Variants in ZSCAN30 observed in about 807,000 individuals in gnomAD.
The protein encoded by ZSCAN30 is zinc finger and SCAN domain-containing protein 30.
Under a neutral mutation model 44.3 loss-of-function variants are expected in ZSCAN30, and 37 were observed. That is an observed-to-expected ratio of 0.84 (90% CI 0.64 to 1.10). ZSCAN30 has a LOEUF of 1.10. Among genes scored for constraint, ZSCAN30 ranks in the 50% least tolerant of loss-of-function variants. The pLI is 0.00. For missense variants in ZSCAN30, 549 were observed against 582.6 expected (o/e 0.94, Z 0.59); for synonymous variants, 181 against 204.6 (o/e 0.88, Z 0.98).
Position 35,251,201 on chromosome 18 carries a change from TAAAC to T in ZSCAN30, c.*2245_*2248del, listed in dbSNP as rs1406770020. On this transcript the variant is annotated 3_prime_UTR_variant, in exon 4 of 4. Transcript: ENST00000333206. ...CTAAAAATACTAGGATTGGGAAAAA[TAAAC>T]ACTAATAGAAAGTACTCCAAAATGT... The T allele has an allele frequency of 2.0e-5, 3 of 152,136 alleles. No individual in the cohort carries two copies. The highest frequency in any genetic ancestry group is 4.4e-5 in the Non-Finnish European group (3 of 67,998). The allele number at this position is 152,136 out of a possible 1,614,324, so 9.4% of individuals were successfully genotyped here.
chr18:35,264,532 T>G (rs2143705139), intron 1 of ZSCAN30, 77 bp from the exon 2 acceptor site: 1 of 645,736 alleles, frequency 1.5e-6, no homozygotes, highest in Non-Finnish European at 2.6e-6. Flanking sequence ...TGAAGCCCAG[T>G]TGCCAGGGAG....
intron 1 of ZSCAN30, among the ~76,000 whole-genome samples, chr18:35,276,079 A>G (rs564388025): frequency 6.6e-6 from 1 of 152,342 alleles, no homozygotes; most frequent in African/African-American, 2.4e-5. Flanking sequence ...TTTGTTGAGA[A>G]TAAGACATAC....
In ZSCAN30 at chr18:35,263,981, C is replaced by T. The variant is rs1186792735; in HGVS notation, c.372G>A (p.Glu124=). 3.7e-6 allele frequency: 6 copies of T among 1,614,212 alleles called. No individual in the cohort carries two copies. The highest frequency in any genetic ancestry group is 5.1e-6 in the Non-Finnish European group (6 of 1,180,030). ...ENGEEAVTML[E]ELEKELEEPR... ...GCTCCTCCAGTTCTTTTTCCAGCTC[C>T]TCCAGCATAGTCACAGCTTCCTCTC... The change falls in exon 2 of 4, where the codon GAG becomes GAA. Residue 124 remains glutamate (E), a synonymous_variant. Coordinates refer to ENST00000333206, the MANE Select transcript of ZSCAN30 (RefSeq NM_001112734.4).
chr18:35,253,910 G>C lies in ZSCAN30; in HGVS notation c.1025C>G (p.Ser342Ter). The part of the protein sequence containing the change: ...KECGKAFSLS[S>*]DLVRHQRIHS... ...AATTCTCTGATGTCTAACAAGGTCTGAGCTCAAACTGAAGGCTTTGCCACA... is the reference window on the plus strand; with the variant it reads ...AATTCTCTGATGTCTAACAAGGTCTCAGCTCAAACTGAAGGCTTTGCCACA... The change falls in exon 4 of 4, where the codon TCA (serine) becomes TGA (stop). Residue 342 changes from serine to a stop codon, truncating the protein, a stop_gained. Transcript: ENST00000333206. LOFTEE classifies it high-confidence loss of function. The C allele has an allele frequency of 1.9e-6, 3 of 1,614,104 alleles. No homozygotes were observed. The highest frequency in any genetic ancestry group is 1.7e-6 in the Non-Finnish European group (2 of 1,180,010).
intron 3 of ZSCAN30, chr18:35,261,381 T>C (rs1232900241): frequency 6.6e-6 from 1 of 152,228 alleles, no homozygotes. Flanking sequence ...TTTTTCTAAT[T>C]CTGTGAAGAA....
chr18:35,272,369 ATGGAGTCTCGCTCTG>A (rs2044299025), intron 1 of ZSCAN30, among the ~76,000 whole-genome samples: 1 of 116,052 alleles, frequency 8.6e-6, no homozygotes, highest in African/African-American at 3.2e-5. Context: ...TTTTTTTTAG[ATGGAGTCTCGCTCTG>A]TGGACCAGGC....
At chr18:35,279,568 A>G (rs1180074268) in intron 1 of ZSCAN30, among the ~76,000 whole-genome samples, 1 of 152,196 alleles carries the variant, frequency 6.6e-6, no homozygotes, top group African/African-American at 2.4e-5. Flanking sequence ...AACAACAGAA[A>G]TTTATTTCTC....
At position 35,252,729 on chromosome 18, in the gene ZSCAN30, A is replaced by G. The variant is rs1390199366; in HGVS notation, c.*721T>C. The G allele has an allele frequency of 6.6e-6, 1 of 152,178 alleles. No homozygotes were observed. The highest frequency in any genetic ancestry group is 1.5e-5 in the Non-Finnish European group (1 of 68,030). The allele number at this position is 152,178 out of a possible 1,614,324, so 9.4% of individuals were successfully genotyped here. ...CCGCATTTTTCCTACCAAAGCACTT[A>G]CCACACTTTACTGTAATTACTGTTT... On this transcript the variant is annotated 3_prime_UTR_variant, in exon 4 of 4. Transcript: ENST00000333206.
intron 1 of ZSCAN30, chr18:35,269,701 A>C (rs1384139983): frequency 6.6e-6 from 1 of 152,214 alleles, no homozygotes; most frequent in African/African-American, 2.4e-5. Flanking sequence ...TAATTAATTT[A>C]CATTTAAATT....
chr18:35,259,796 G>A (rs1474696996), intron 3 of ZSCAN30: 1 of 153,522 alleles, frequency 6.5e-6, no homozygotes, highest in African/African-American at 2.4e-5. Context: ...AGTAAAAATA[G>A]TCTACCTAAA....
chr18:35,255,705 T>A (rs1268926505), intron 3 of ZSCAN30: 1 of 154,366 alleles, frequency 6.5e-6, no homozygotes, highest in East Asian at 1.9e-4. Flanking sequence ...CCACAATTGA[T>A]ACCTGATCAA....
At chr18:35,284,623 C>T (rs56396527) in intron 1 of ZSCAN30, 5,939 of 155,338 alleles carry the variant, frequency 0.038, 148 homozygotes, top group Non-Finnish European at 0.06. Context: ...AGAGCAGTCA[C>T]CAGGAGCAGG....
chr18:35,266,309 G>C (rs988371712), intron 1 of ZSCAN30, among the ~76,000 whole-genome samples: 11 of 152,154 alleles, frequency 7.2e-5, no homozygotes, highest in African/African-American at 2.7e-4. Context: ...GAAGGTCTGT[G>C]TGCCCACCCA....
chr18:35,271,758 G>A lies in ZSCAN30; in HGVS notation c.-103-7303C>T, dbSNP rs1047105817. On this transcript the variant is annotated intron_variant, in intron 1 of 3. Transcript: ENST00000333206. Reference sequence around the variant, plus strand: ...GTGGGAGCCCATTGCGGGGAGGGGGGGCGCTTGGGCATGGCGGGCTGCAGG... The same window carrying A: ...GTGGGAGCCCATTGCGGGGAGGGGGAGCGCTTGGGCATGGCGGGCTGCAGG... 2.6e-5 allele frequency among the ~76,000 whole-genome samples: 4 copies of A among 152,232 alleles called. No individual in the cohort carries two copies. In the East Asian group the frequency reaches 7.7e-4, roughly 29 times the overall value.
chr18:35,259,942 G>T (rs563143006), intron 3 of ZSCAN30, among the ~76,000 whole-genome samples: 1 of 152,312 alleles, frequency 6.6e-6, no homozygotes, highest in African/African-American at 2.4e-5. Context: ...TGCCATGGTG[G>T]TTTGCTGCAC....
intron 3 of ZSCAN30, chr18:35,258,861 C>T (rs1286027857): frequency 1.1e-5 from 1 of 89,308 alleles, no homozygotes; most frequent in African/African-American, 4.6e-5. Context: ...CAGAGCCAGA[C>T]TCCATCTCAA....
chr18:35,281,323 T>C (rs1056471370), intron 1 of ZSCAN30: 1 of 152,206 alleles, frequency 6.6e-6, no homozygotes, highest in African/African-American at 2.4e-5. Context: ...ATATGGACCA[T>C]AGTTGGCTCA....
chr18:35,272,561 T>A (rs1011259155), intron 1 of ZSCAN30, among the ~76,000 whole-genome samples: 5 of 151,412 alleles, frequency 3.3e-5, no homozygotes, highest in Non-Finnish European at 7.4e-5. Flanking sequence ...GCCAGGCTGT[T>A]CTCAAACTCC....
intron 1 of ZSCAN30, chr18:35,268,047 G>C (rs1020726507): frequency 6.6e-6 from 1 of 152,278 alleles, no homozygotes; most frequent in African/African-American, 2.4e-5. Context: ...CGAGCTGCCC[G>C]TGGCCGCGTG....
Sources: allele counts gnomAD v4.1 joint callset (sites outside exome capture counted in the v4.1 genomes callset), GRCh38; gene constraint gnomAD v4.1.1; transcripts MANE v1.5; gene names NCBI Gene and HGNC (gene_info 2026-07-23, HGNC 2026-07-21).